The following ROBO1 variants were observed in gnomAD, a reference collection of about 807,000 sequenced individuals.
ROBO1 encodes the protein roundabout guidance receptor 1.
A neutral mutation model predicts 195.9 loss-of-function variants in ROBO1; 149 were observed. The ratio of observed to expected loss-of-function variants is 0.76; its 90% CI spans 0.67 to 0.87. The LOEUF (loss-of-function observed/expected upper bound fraction) is 0.87. ROBO1 is among the 40% of genes least tolerant of loss of function. The pLI is 0.00. For missense variants in ROBO1, 1,933 were observed against 2,068.3 expected (o/e 0.93, Z 1.27); for synonymous variants, 816 against 733.2 (o/e 1.11, Z -1.82).
intron 1 of ROBO1, among the ~76,000 whole-genome samples, chr3:79,667,024 C>A (rs1277324265): frequency 6.6e-6 from 1 of 151,800 alleles, no homozygotes; most frequent in Non-Finnish European, 1.5e-5. Flanking sequence ...AAAATTTCTT[C>A]AAATAAGATA....
At chr3:79,254,311 C>G (rs1044425575) in intron 2 of ROBO1, among the ~76,000 whole-genome samples, 3 of 151,898 alleles carry the variant, frequency 2.0e-5, no homozygotes, top group African/African-American at 7.3e-5. Flanking sequence ...TAGGAACTTA[C>G]GTGTCTCTTT....
intron 1 of ROBO1, among the ~76,000 whole-genome samples, chr3:79,662,240 A>T (rs1333477066): frequency 2.0e-5 from 3 of 152,082 alleles, no homozygotes; most frequent in African/African-American, 7.2e-5. Context: ...CAAGCAGGAA[A>T]ATGAACTGGC....
At chr3:79,738,917 G>T (rs1703505294) in intron 1 of ROBO1, among the ~76,000 whole-genome samples, 1 of 152,134 alleles carries the variant, frequency 6.6e-6, no homozygotes, top group Non-Finnish European at 1.5e-5. Flanking sequence ...ATTATAGAAT[G>T]ATGTGCCAAT....
At chr3:78,898,336 G>T (rs1009033851) in intron 4 of ROBO1, among the ~76,000 whole-genome samples, 11 of 146,930 alleles carry the variant, frequency 7.5e-5, no homozygotes, top group African/African-American at 2.3e-4. Flanking sequence ...TATATATAGA[G>T]AGAGAGACAG....
chr3:79,061,792 G>A (rs1215134310), intron 3 of ROBO1, among the ~76,000 whole-genome samples: 2 of 152,146 alleles, frequency 1.3e-5, no homozygotes, highest in African/African-American at 4.8e-5. Context: ...AAAATGGCTA[G>A]CCATATATAG....
At chr3:78,739,318 C>T (rs1045452779) in intron 5 of ROBO1, among the ~76,000 whole-genome samples, 5 of 152,096 alleles carry the variant, frequency 3.3e-5, no homozygotes, top group Admixed American at 2.0e-4. Flanking sequence ...TCCCCAGTCA[C>T]TACATTAATA....
chr3:78,871,791 T>TA (rs1295959179), intron 4 of ROBO1, among the ~76,000 whole-genome samples: 1 of 149,252 alleles, frequency 6.7e-6, no homozygotes, highest in Non-Finnish European at 1.5e-5. Flanking sequence ...TCTGGTTTTA[T>TA]AAAAAAGTAA....
chr3:78,756,420 A>T (rs573741614), intron 4 of ROBO1, among the ~76,000 whole-genome samples: 2 of 152,352 alleles, frequency 1.3e-5, no homozygotes, highest in African/African-American at 4.8e-5. Flanking sequence ...ATTGGAATGC[A>T]CAAAAAGTTC....
At chr3:79,488,756 G>C (rs1421159691) in intron 2 of ROBO1, among the ~76,000 whole-genome samples, 1 of 152,100 alleles carries the variant, frequency 6.6e-6, no homozygotes, top group African/African-American at 2.4e-5. Context: ...TGCAAGTTAG[G>C]AAAAAAGCAA....
rs541008594 is a variant in ROBO1 at position 79,202,105 on chromosome 3, C to T, written c.89-76566G>A. Among the ~76,000 whole-genome samples, 5 of 152,032 alleles carry T rather than the reference C, an allele frequency of 3.3e-5. No individual in the cohort carries two copies. The South Asian group carries it at 1.0e-3, about 32-fold the overall frequency. On this transcript the variant is annotated intron_variant, in intron 2 of 30. Coordinates refer to ENST00000464233, the MANE Select transcript of ROBO1 (RefSeq NM_002941.4). ...GTCTGGGCGGCAGCCCTCCTAAATT[C>T]GTAGAATGCCATATTATTTTCATTT...
intron 2 of ROBO1, among the ~76,000 whole-genome samples, chr3:79,220,389 C>G (rs1020932541): frequency 2.0e-5 from 3 of 152,162 alleles, no homozygotes; most frequent in East Asian, 1.9e-4. Context: ...CTGTTGTGTT[C>G]TCCACAATCA....
At chr3:79,686,042 T>A (rs961825839) in intron 1 of ROBO1, among the ~76,000 whole-genome samples, 1 of 152,124 alleles carries the variant, frequency 6.6e-6, no homozygotes, top group African/African-American at 2.4e-5. Context: ...GTGGGTTTCA[T>A]CCCTGGGATG....
At chr3:78,931,361 C>G (rs1401013821) in intron 4 of ROBO1, among the ~76,000 whole-genome samples, 1 of 151,010 alleles carries the variant, frequency 6.6e-6, no homozygotes, top group Non-Finnish European at 1.5e-5. Context: ...CTGCCTCAGC[C>G]TCAGCCTCCC....
intron 3 of ROBO1, among the ~76,000 whole-genome samples, chr3:79,023,582 G>A (rs2078142670): frequency 6.8e-6 from 1 of 147,814 alleles, no homozygotes; most frequent in Non-Finnish European, 1.5e-5. Flanking sequence ...GTAATTATGT[G>A]TTCCAAAACA....
At chr3:79,217,205 T>C (rs2082070780) in intron 2 of ROBO1, among the ~76,000 whole-genome samples, 1 of 152,058 alleles carries the variant, frequency 6.6e-6, no homozygotes, top group Non-Finnish European at 1.5e-5. Context: ...CAGTGACACG[T>C]GCTATGAAAT....
intron 2 of ROBO1, among the ~76,000 whole-genome samples, chr3:79,315,840 G>C (rs1303681295): frequency 6.6e-6 from 1 of 152,132 alleles, no homozygotes; most frequent in African/African-American, 2.4e-5. Context: ...GTCTGGATTA[G>C]ATATTCAAAA....
At position 79,250,564 on chromosome 3, in the gene ROBO1, G is replaced by GT. The variant is rs541348072; in HGVS notation, c.89-125026_89-125025insA. Among the ~76,000 whole-genome samples, 84 of 133,226 alleles carry GT rather than the reference G, an allele frequency of 6.3e-4. No homozygotes were observed. The South Asian group carries it at 7.7e-3, about 12-fold the overall frequency. 87.4% of individuals were successfully genotyped at this position (133,226 alleles called of 152,430 possible). On this transcript the variant is annotated intron_variant, in intron 2 of 30. Coordinates refer to ENST00000464233, the MANE Select transcript of ROBO1 (RefSeq NM_002941.4). ...ACGTTTGAAAATTTATAATGTGTGT[G>GT]GGGGGGGTTCTGTATCTCAGTTTTA...
intron 3 of ROBO1, among the ~76,000 whole-genome samples, chr3:79,003,310 A>T (rs2077548088): frequency 6.6e-6 from 1 of 152,176 alleles, no homozygotes; most frequent in Non-Finnish European, 1.5e-5. Flanking sequence ...GGGAGGGGAG[A>T]TTAAATTATT....
intron 1 of ROBO1, among the ~76,000 whole-genome samples, chr3:79,687,140 G>A (rs573108113): frequency 1.3e-5 from 2 of 152,156 alleles, no homozygotes; most frequent in African/African-American, 2.4e-5. Context: ...TTAATAAATG[G>A]TGCTGGGAAA....
Sources: gnomAD v4.1 joint callset for allele counts (sites outside exome capture counted in the v4.1 genomes callset) on GRCh38, gnomAD v4.1.1 for gene constraint, MANE v1.5 for transcripts, NCBI Gene and HGNC (gene_info 2026-07-23, HGNC 2026-07-21) for gene names.